Variants in COL4A4 observed in about 807,000 individuals in gnomAD.
COL4A4 encodes collagen alpha-4(IV) chain.
Under a neutral mutation model 192.9 loss-of-function variants are expected in COL4A4, and 105 were observed. That is an observed-to-expected ratio of 0.54 (90% CI 0.46 to 0.64). The LOEUF is 0.64. COL4A4 is among the 30% of genes least tolerant of loss of function. COL4A4 has a pLI of 0.00. For missense variants in COL4A4, 1,967 were observed against 2,169.3 expected (o/e 0.91, Z 1.85); for synonymous variants, 762 against 769.9 (o/e 0.99, Z 0.17).
chr2:227,147,671 A>T, intron 1 of COL4A4, 87 bp from the exon 2 acceptor site: 1 of 559,890 alleles, frequency 1.8e-6, no homozygotes, highest in South Asian at 1.9e-5. Context: ...TTATGGAAAT[A>T]TTTTCTAAAG....
Position 227,012,227 on chromosome 2 carries a change from G to C in COL4A4, c.4287C>G (p.Pro1429=). The change falls in exon 45 of 48, where the codon CCC becomes CCG. Residue 1429 remains proline (P), a synonymous_variant. Coordinates refer to ENST00000396625, the MANE Select transcript of COL4A4 (RefSeq NM_000092.5). The part of the protein sequence containing the change: ...VDGVPGSPGP[P]GRKGDTGEDG... ...CTTCTCCTGTGTCACCTTTACGTCC[G>C]GGAGGCCCAGGAGACCCAGGGACGC... 1 of 1,614,006 alleles carries C rather than the reference G, an allele frequency of 6.2e-7. No individual in the cohort carries two copies. The highest frequency in any genetic ancestry group is 8.5e-7 in the Non-Finnish European group (1 of 1,179,982).
At chr2:227,104,414 CA>C (rs60259710) in intron 12 of COL4A4, among the ~76,000 whole-genome samples, 34 of 96,844 alleles carry the variant, frequency 3.5e-4, no homozygotes, top group South Asian at 1.2e-3. Flanking sequence ...ACTAAAAATA[CA>C]AAAAAAAAAA....
chr2:227,069,655 T>A (rs778852567), intron 25 of COL4A4, among the ~76,000 whole-genome samples: 5 of 152,206 alleles, frequency 3.3e-5, no homozygotes, highest in Non-Finnish European at 5.9e-5. Flanking sequence ...CTGGGAAAAC[T>A]GGCTAGCCAT....
chr2:227,098,291 C>A (rs1172575271), intron 19 of COL4A4, among the ~76,000 whole-genome samples: 4 of 152,130 alleles, frequency 2.6e-5, no homozygotes, highest in Non-Finnish European at 4.4e-5. Context: ...AAACACTAAT[C>A]CTAGCAGTGG....
At chr2:227,091,812 C>T (rs1169081265) in intron 20 of COL4A4, among the ~76,000 whole-genome samples, 4 of 151,770 alleles carry the variant, frequency 2.6e-5, no homozygotes, top group Admixed American at 2.0e-4. Context: ...AGAAGAATCG[C>T]TTGAACCAGG....
chr2:227,057,475 C>G lies in COL4A4; in HGVS notation c.2509G>C (p.Gly837Arg). The G allele has an allele frequency of 1.2e-6, 2 of 1,611,654 alleles. No homozygotes were observed. The highest frequency in any genetic ancestry group is 1.7e-6 in the Non-Finnish European group (2 of 1,179,008). ...GGATACCCAGGGAGTCCCGGTTGCC[C>G]TGGTATCCCTGGAGCACCTCTTTCA... ...SCERGAPGIP[G>R]QPGLPGYPGS... The change falls in exon 29 of 48, where the codon GGG becomes CGG. Residue 837 changes from glycine (G) to arginine (R), a missense_variant. By Grantham distance (125) the Gly-to-Arg change is moderately radical. Transcript: ENST00000396625.
intron 1 of COL4A4, among the ~76,000 whole-genome samples, chr2:227,155,876 AC>A (rs1479570529): frequency 5.9e-5 from 9 of 152,140 alleles, no homozygotes; most frequent in Non-Finnish European, 1.3e-4. Flanking sequence ...TAATTATGCA[AC>A]TAAAAATTAC....
intron 34 of COL4A4, among the ~76,000 whole-genome samples, chr2:227,049,084 A>G (rs1973502919): frequency 6.6e-6 from 1 of 152,240 alleles, no homozygotes; most frequent in Admixed American, 6.5e-5. Context: ...CTGTGAATTT[A>G]CAGCTAGTTA....
At chr2:227,115,987 C>T (rs569486115) in intron 7 of COL4A4, among the ~76,000 whole-genome samples, 81 of 152,258 alleles carry the variant, frequency 5.3e-4, no homozygotes, top group Non-Finnish European at 8.4e-4. Context: ...TGCATGATCA[C>T]GTGATGTTAC....
chr2:227,065,074 G>A (rs1475038388), intron 25 of COL4A4, among the ~76,000 whole-genome samples: 5 of 152,362 alleles, frequency 3.3e-5, no homozygotes, highest in Non-Finnish European at 5.9e-5. Context: ...GCCTCACTTG[G>A]GAAGTGCAAG....
At chr2:226,990,070 TTTAAG>T in the COL4A4 span, among the ~76,000 whole-genome samples, 1 of 152,218 alleles carries the variant, frequency 6.6e-6, no homozygotes, top group African/African-American at 2.4e-5. Flanking sequence ...GTTATACCAT[TTTAAG>T]TTAATTTCAC....
chr2:226,988,780 CTG>C, the COL4A4 span: 4 of 847,196 alleles, frequency 4.7e-6, no homozygotes, highest in Non-Finnish European at 5.7e-6. Context: ...AAGTTACAAA[CTG>C]TTCTCTATTT....
intron 4 of COL4A4, among the ~76,000 whole-genome samples, chr2:227,135,155 T>C (rs2062730939): frequency 6.6e-6 from 1 of 152,200 alleles, no homozygotes; most frequent in Non-Finnish European, 1.5e-5. Context: ...ACAAGTCATT[T>C]GGGAAACCAA....
Position 227,057,388 on chromosome 2 carries a change from T to C in COL4A4, c.2545+51A>G, listed in dbSNP as rs7567789. 952,468 of 1,551,126 alleles carry C rather than the reference T, an allele frequency of 0.61. 295,306 individuals are homozygous for C. Among genetic ancestry groups the C allele is most frequent in the African/African-American group, 0.76 (56,047 of 73,458 alleles). Reference sequence around the variant, plus strand: ...ATAAAAGAGTAAAAGGGGAGCTTATTTAATTGTAAGTAGGGTAAGCCCCAG... The same window carrying C: ...ATAAAAGAGTAAAAGGGGAGCTTATCTAATTGTAAGTAGGGTAAGCCCCAG... On this transcript the variant is annotated intron_variant, in intron 29 of 47. Transcript: ENST00000396625.
At chr2:227,093,719 A>T (rs1214000946) in intron 20 of COL4A4, among the ~76,000 whole-genome samples, 1 of 152,084 alleles carries the variant, frequency 6.6e-6, no homozygotes, top group African/African-American at 2.4e-5. Context: ...ATAAAACTCC[A>T]GTCTTCCATT....
chr2:226,985,823 T>G, the COL4A4 span, among the ~76,000 whole-genome samples: 1 of 152,248 alleles, frequency 6.6e-6, no homozygotes, highest in African/African-American at 2.4e-5. Flanking sequence ...ATCCTACTCA[T>G]GCCCAAGAGT....
chr2:227,150,595 A>G (rs2063864093), intron 1 of COL4A4, among the ~76,000 whole-genome samples: 1 of 152,234 alleles, frequency 6.6e-6, no homozygotes, highest in Non-Finnish European at 1.5e-5. Context: ...GGTAATTTAT[A>G]AAGAAAAGAG....
Position 227,062,581 on chromosome 2 carries a change from T to A in COL4A4, c.2005A>T (p.Asn669Tyr). ...CCATGCCTCCCAGGGTAGGTTACGT[T>A]GCAAGAAATTGTGTCACCTGCAATG... ...KGQKGDTISC[N>Y]VTYPGRHGPP... is the part of the protein sequence containing the mutation. Residue 669 changes from asparagine (N) to tyrosine (Y), a missense_variant, in exon 26 of 48, where the codon AAC (asparagine) becomes TAC (tyrosine). Transcript: ENST00000396625. 6.2e-7 allele frequency: 1 copy of A among 1,613,060 alleles called. No homozygotes were observed. Among genetic ancestry groups the A allele is most frequent in the Non-Finnish European group, 8.5e-7 (1 of 1,179,116 alleles).
chr2:226,992,664 T>TTTTCAG, the COL4A4 span, among the ~76,000 whole-genome samples: 1 of 152,224 alleles, frequency 6.6e-6, no homozygotes, highest in Non-Finnish European at 1.5e-5. Flanking sequence ...TGGAACTTCT[T>TTTTCAG]ATTTTTCTGT....
Sources: gnomAD v4.1 joint callset for allele counts (sites outside exome capture counted in the v4.1 genomes callset) on GRCh38, gnomAD v4.1.1 for gene constraint, MANE v1.5 for transcripts, NCBI Gene and HGNC (gene_info 2026-07-23, HGNC 2026-07-21) for gene names.